Variants in CDKL5 observed in about 807,000 individuals in gnomAD.
The protein encoded by CDKL5 is cyclin-dependent kinase-like 5.
CDKL5 carries 8 observed loss-of-function variants against 61.7 expected under a neutral mutation model. That is an observed-to-expected ratio of 0.13 (90% CI 0.08 to 0.23). The LOEUF is 0.23. Among genes scored for constraint, CDKL5 ranks in the 10% least tolerant of loss-of-function variants. The pLI is 1.00. For synonymous variants in CDKL5, 275 were observed against 272.3 expected (o/e 1.01, Z -0.10); for missense variants, 440 against 734.5 (o/e 0.60, Z 4.63).
Position 18,528,409 on chromosome X carries a change from T to G in CDKL5, c.99+17555T>G, listed in dbSNP as rs375893941. Reference sequence around the variant, plus strand: ...GGTACATTCATATTAAGGATTGTTATGTCTTCTTGGAGAATTTTGCATTTT... The same window carrying G: ...GGTACATTCATATTAAGGATTGTTAGGTCTTCTTGGAGAATTTTGCATTTT... On this transcript the variant is annotated intron_variant, in intron 3 of 17. Transcript: ENST00000623535. Among the ~76,000 whole-genome samples, 22 of 110,565 alleles carry G rather than the reference T, an allele frequency of 2.0e-4. 1 individual carries two copies. In the East Asian group the frequency reaches 4.0e-3, roughly 20 times the overall value.
At position 18,579,974 on chromosome X, in the gene CDKL5, T is replaced by C; in HGVS notation, c.403+6T>C. 1 of 1,184,636 alleles carries C rather than the reference T, an allele frequency of 8.4e-7. No individual in the cohort carries two copies. The highest frequency in any genetic ancestry group is 3.0e-5 in the East Asian group (1 of 33,641). Reference sequence around the variant, plus strand: ...GAATGATATTGTCCATCGAGGTGAGTATGAGATTTTTAAAATGGAAAATAT... The same window carrying C: ...GAATGATATTGTCCATCGAGGTGAGCATGAGATTTTTAAAATGGAAAATAT... On this transcript the variant is annotated splice_donor_region_variant and intron_variant, in intron 6 of 17. Transcript: ENST00000623535.
rs759224972 is a variant in CDKL5, at chrX:18,638,782, C to T, written c.*10025C>T. 8.9e-6 allele frequency among the ~76,000 whole-genome samples: 1 copy of T among 111,989 alleles called. No individual in the cohort carries two copies. The highest frequency in any genetic ancestry group is 1.9e-5 in the Non-Finnish European group (1 of 53,252). ...GAATAGCCAAAACAATCCCGAAGAG[C>T]AAAGTTGGAGGACTCACATGCCCCA... On this transcript the variant is annotated 3_prime_UTR_variant, in exon 18 of 18. Coordinates refer to ENST00000623535, the MANE Select transcript of CDKL5 (RefSeq NM_001323289.2).
chrX:18,646,403 C>A (rs749363784), intron 20 of CDKL5, among the ~76,000 whole-genome samples: 3 of 112,463 alleles, frequency 2.7e-5, no homozygotes, highest in East Asian at 5.6e-4. Context: ...ATCTGCCCCC[C>A]CTCGGCCTCC....
intron 1 of CDKL5, among the ~76,000 whole-genome samples, chrX:18,447,288 T>G (rs1018135548): frequency 2.7e-5 from 3 of 111,305 alleles, no homozygotes; most frequent in African/African-American, 9.8e-5. Flanking sequence ...CACTTTTGAC[T>G]CCTTCGTTTT....
At chrX:18,528,882 C>T (rs1923543349) in intron 3 of CDKL5, among the ~76,000 whole-genome samples, 1 of 111,269 alleles carries the variant, frequency 9.0e-6, no homozygotes, top group East Asian at 2.8e-4. Flanking sequence ...GTGATCCTCC[C>T]ACCTCAGCCT....
At chrX:18,615,671 C>T (rs1290571196) in intron 15 of CDKL5, among the ~76,000 whole-genome samples, 1 of 111,890 alleles carries the variant, frequency 8.9e-6, no homozygotes, top group African/African-American at 3.3e-5. Flanking sequence ...ACTGCCTCAG[C>T]CTCCCAAAGT....
At chrX:18,583,318 G>A (rs980693468) in intron 7 of CDKL5, among the ~76,000 whole-genome samples, 1 of 111,022 alleles carries the variant, frequency 9.0e-6, no homozygotes, top group African/African-American at 3.3e-5. Flanking sequence ...CCCTAGCAAG[G>A]ACTTCCTAAT....
At chrX:18,496,119 G>T (rs1202629875) in intron 1 of CDKL5, among the ~76,000 whole-genome samples, 1 of 112,217 alleles carries the variant, frequency 8.9e-6, no homozygotes, top group Non-Finnish European at 1.9e-5. Flanking sequence ...TTTTAAAGAG[G>T]TTTATTCTGA....
intron 9 of CDKL5, among the ~76,000 whole-genome samples, chrX:18,592,874 GC>G (rs990338010): frequency 8.9e-6 from 1 of 111,976 alleles, no homozygotes; most frequent in African/African-American, 3.2e-5. Context: ...ACAAGATGTT[GC>G]TATAGTGGTT....
rs1931956827 is a variant in CDKL5, at chrX:18,449,433, A to G, written c.-163+23738A>G. 2.7e-5 allele frequency among the ~76,000 whole-genome samples: 3 copies of G among 112,032 alleles called. No homozygotes were observed. In the South Asian group the frequency reaches 1.1e-3, roughly 41 times the overall value. On this transcript the variant is annotated intron_variant, in intron 1 of 17. Transcript: ENST00000623535. ...CATCATGGCCGAGAATGTCTTTTAAAGTGAATCATTGTGTACACCTTTGAT... is the reference window on the plus strand; with the variant it reads ...CATCATGGCCGAGAATGTCTTTTAAGGTGAATCATTGTGTACACCTTTGAT...
chrX:18,584,132 A>G, intron 7 of CDKL5, 131 bp from the exon 8 acceptor site: 1 of 527,133 alleles, frequency 1.9e-6, no homozygotes, highest in East Asian at 3.4e-5. Context: ...TTATTAATAA[A>G]TAGCCCATGC....
chrX:18,646,985 C>A (rs186480889), intron 20 of CDKL5, among the ~76,000 whole-genome samples: 1 of 109,164 alleles, frequency 9.2e-6, no homozygotes, highest in African/African-American at 3.3e-5. Flanking sequence ...GGTGTGATCT[C>A]GGCTCACTGT....
At chrX:18,560,893 A>G (rs1924782913) in intron 3 of CDKL5, among the ~76,000 whole-genome samples, 1 of 111,852 alleles carries the variant, frequency 8.9e-6, no homozygotes, top group Non-Finnish European at 1.9e-5. Context: ...GAAGTGATCT[A>G]TATTGGAACA....
chrX:18,472,145 A>G (rs1921118794), intron 1 of CDKL5, among the ~76,000 whole-genome samples: 1 of 112,291 alleles, frequency 8.9e-6, no homozygotes, highest in African/African-American at 3.2e-5. Context: ...GAACCCATTC[A>G]GTGTCTCTTT....
At chrX:18,492,411 C>T (rs1922024703) in intron 1 of CDKL5, among the ~76,000 whole-genome samples, 1 of 111,488 alleles carries the variant, frequency 9.0e-6, no homozygotes, top group Non-Finnish European at 1.9e-5. Context: ...CTCAGGTTTT[C>T]ATTTCTATTT....
chrX:18,534,407 T>C, intron 3 of CDKL5, among the ~76,000 whole-genome samples: 2 of 112,029 alleles, frequency 1.8e-5, no homozygotes, highest in Non-Finnish European at 3.8e-5. Context: ...TTAAACTGGA[T>C]TTCTTGATTC....
At position 18,441,181 on chromosome X, in the gene CDKL5, C is replaced by T. The variant is rs149445544; in HGVS notation, c.-163+15486C>T. Reference sequence around the variant, plus strand: ...CTGTAATCCTAGCACTTTGGGAAGCCGAGTCAGGCAGATAACTTGAGTCTA... The same window carrying T: ...CTGTAATCCTAGCACTTTGGGAAGCTGAGTCAGGCAGATAACTTGAGTCTA... On this transcript the variant is annotated intron_variant, in intron 1 of 17. Coordinates refer to ENST00000623535, the MANE Select transcript of CDKL5 (RefSeq NM_001323289.2). 4.3e-3 allele frequency among the ~76,000 whole-genome samples: 479 copies of T among 110,988 alleles called. 2 individuals carry two copies. In the Middle Eastern group the frequency reaches 0.047, roughly 11 times the overall value.
intron 3 of CDKL5, among the ~76,000 whole-genome samples, chrX:18,536,595 G>A (rs1282262869): frequency 1.2e-4 from 13 of 107,770 alleles, no homozygotes; most frequent in African/African-American, 3.7e-4. Context: ...ATAGACGTGC[G>A]CCACCACCCC....
chrX:18,449,021 A>AT (rs1307368510), intron 1 of CDKL5, among the ~76,000 whole-genome samples: 1 of 110,343 alleles, frequency 9.1e-6, no homozygotes, highest in East Asian at 2.9e-4. Context: ...TGACTGGCTA[A>AT]TTTTTTTGTA....
Sources: allele counts gnomAD v4.1 joint callset (sites outside exome capture counted in the v4.1 genomes callset), GRCh38; gene constraint gnomAD v4.1.1; transcripts MANE v1.5; gene names NCBI Gene and HGNC (gene_info 2026-07-23, HGNC 2026-07-21).